ABCA13: variants seen among roughly 807,000 people sequenced by gnomAD.
ABCA13 encodes the protein ATP-binding cassette sub-family A member 13.
In ABCA13, 476 loss-of-function variants were observed where a neutral mutation model predicts 478.7. The ratio of observed to expected loss-of-function variants is 0.99; its 90% CI spans 0.92 to 1.07. The LOEUF (loss-of-function observed/expected upper bound fraction) is 1.07, where lower values mean the gene tolerates loss of function less well. ABCA13 is among the 50% of genes least tolerant of loss of function. ABCA13 has a pLI of 0.00. For missense variants in ABCA13, 6,060 were observed against 5,910.6 expected, an observed-to-expected ratio of 1.03 and a Z score of -0.83; for synonymous variants, 2,252 against 2,158.9, an observed-to-expected ratio of 1.04 and a Z score of -1.20.
At chr7:48,361,550 T>G (rs573682835) in intron 31 of ABCA13, among the ~76,000 whole-genome samples, 2 of 152,004 alleles carry the variant, frequency 1.3e-5, no homozygotes, top group South Asian at 4.1e-4. Context: ...ATTACTTCCT[T>G]ACTTTTCTGT....
chr7:48,276,267 G>C lies in ABCA13; in HGVS notation c.6601G>C (p.Val2201Leu). The C allele has an allele frequency of 6.4e-7, 1 of 1,566,892 alleles. No individual in the cohort carries two copies. The highest frequency in any genetic ancestry group is 8.7e-7 in the Non-Finnish European group (1 of 1,155,384). Residue 2201 changes from valine (V) to leucine (L), a missense_variant, in exon 17 of 62, where the codon GTT becomes CTT. Val to Leu is a conservative substitution (Grantham distance 32). Transcript: ENST00000435803. ...AGAACAGCTGACTAATTTCTCAGTTGTTCAGCTGCTTTTTGAAAACATCCT... is the reference window on the plus strand; with the variant it reads ...AGAACAGCTGACTAATTTCTCAGTTCTTCAGCTGCTTTTTGAAAACATCCT... ...NQEQLTNFSV[V>L]QLLFENILIN...
chr7:48,357,257 C>T (rs753472690), intron 31 of ABCA13, among the ~76,000 whole-genome samples: 14 of 151,956 alleles, frequency 9.2e-5, no homozygotes, highest in Non-Finnish European at 1.8e-4. Context: ...TTGGGCTCTA[C>T]TTCAGGTAAC....
At chr7:48,377,877 A>G (rs55869793) in intron 35 of ABCA13, among the ~76,000 whole-genome samples, 19,261 of 152,182 alleles carry the variant, frequency 0.13, 1,406 homozygotes, top group East Asian at 0.31. Flanking sequence ...TACATTTGTG[A>G]TGTCCATCTA....
intron 32 of ABCA13, among the ~76,000 whole-genome samples, chr7:48,370,386 C>A (rs931942381): frequency 1.3e-5 from 2 of 152,220 alleles, no homozygotes; most frequent in African/African-American, 4.8e-5. Context: ...CCCTTCATTT[C>A]TTTATCTTGT....
At chr7:48,517,194 G>A (rs1164866496) in intron 52 of ABCA13, among the ~76,000 whole-genome samples, 2 of 152,136 alleles carry the variant, frequency 1.3e-5, no homozygotes, top group African/African-American at 4.8e-5. Context: ...ATTTATTGAT[G>A]AATTACTGAT....
chr7:48,181,384 T>G (rs1419222953), intron 1 of ABCA13, among the ~76,000 whole-genome samples: 2 of 152,218 alleles, frequency 1.3e-5, no homozygotes, highest in Admixed American at 1.3e-4. Context: ...TTGTATATCT[T>G]AAAATATCTT....
chr7:48,602,913 GGTTTGTAGTT>G (rs1012882036), intron 58 of ABCA13, among the ~76,000 whole-genome samples: 17 of 151,922 alleles, frequency 1.1e-4, no homozygotes, highest in Non-Finnish European at 2.1e-4. Flanking sequence ...CTTGAGCAGT[GGTTTGTAGTT>G]GTCCTTGAAG....
intron 38 of ABCA13, among the ~76,000 whole-genome samples, chr7:48,394,682 T>C (rs1185375504): frequency 6.6e-6 from 1 of 152,224 alleles, no homozygotes; most frequent in East Asian, 1.9e-4. Context: ...GATTTTTTTT[T>C]CAATTTTTAT....
chr7:48,306,721 G>T (rs1800952493), intron 23 of ABCA13, among the ~76,000 whole-genome samples: 1 of 152,164 alleles, frequency 6.6e-6, no homozygotes, highest in Admixed American at 6.5e-5. Context: ...CTTTCTTAAA[G>T]ACTCAAAATG....
chr7:48,481,131 G>A lies in ABCA13; in HGVS notation c.13071G>A (p.Leu4357=). 1 of 1,591,014 alleles carries A rather than the reference G, an allele frequency of 6.3e-7. No individual in the cohort carries two copies. The highest frequency in any genetic ancestry group is 8.6e-7 in the Non-Finnish European group (1 of 1,167,906). The change falls in exon 46 of 62, where the codon TTG becomes TTA. Residue 4357 remains leucine, a synonymous_variant. Transcript: ENST00000435803. ...NLSGFNMEEY[L]LAPSEKPRLG... The stretch of plus-strand genomic sequence containing the variant: ...CAGGCTTCAATATGGAGGAGTACTT[G>A]CTGGCACCATCTGAAAAACCAAGGT...
At chr7:48,220,135 T>C (rs1393457553) in intron 4 of ABCA13, among the ~76,000 whole-genome samples, 1 of 152,204 alleles carries the variant, frequency 6.6e-6, no homozygotes, top group Non-Finnish European at 1.5e-5. Context: ...TTATTTATAA[T>C]CTATAGTAGG....
intron 3 of ABCA13, among the ~76,000 whole-genome samples, chr7:48,216,015 C>T (rs769573938): frequency 2.0e-5 from 3 of 152,130 alleles, no homozygotes; most frequent in Admixed American, 6.5e-5. Context: ...TTTCCTCTGT[C>T]GAAGTACATT....
At position 48,594,776 on chromosome 7, in the gene ABCA13, G is replaced by C. The variant is rs920362763; in HGVS notation, c.14707G>C (p.Val4903Leu). 1.2e-6 allele frequency: 2 copies of C among 1,613,852 alleles called. No individual in the cohort carries two copies. The highest frequency in any genetic ancestry group is 1.7e-6 in the Non-Finnish European group (2 of 1,179,844). ...CCTGTGGCAAACAATAATGAAGGAG[G>C]TTCGGGAAGGCTGTGCTGCGGTGCT... ...RYLWQTIMKE[V>L]REGCAAVLTS... Residue 4903 changes from valine (V) to leucine (L), a missense_variant, in exon 58 of 62, where the codon GTT (valine) becomes CTT (leucine). By Grantham distance (32) the Val-to-Leu change is conservative. Transcript: ENST00000435803.
intron 39 of ABCA13, among the ~76,000 whole-genome samples, chr7:48,406,975 A>G (rs963270479): frequency 6.6e-6 from 1 of 152,164 alleles, no homozygotes; most frequent in African/African-American, 2.4e-5. Flanking sequence ...AGCCACTAAA[A>G]AGTCATCAAG....
At chr7:48,614,799 A>C (rs1792387219) in intron 58 of ABCA13, among the ~76,000 whole-genome samples, 1 of 146,530 alleles carries the variant, frequency 6.8e-6, no homozygotes, top group Non-Finnish European at 1.5e-5. Context: ...AAAACCAAAC[A>C]CCGCATGTTC....
chr7:48,486,208 T>C (rs1344364896), intron 47 of ABCA13, among the ~76,000 whole-genome samples: 1 of 152,218 alleles, frequency 6.6e-6, no homozygotes, highest in Non-Finnish European at 1.5e-5. Context: ...TTTAGGTTCC[T>C]AAAAGCCCTG....
In ABCA13 at chr7:48,506,140, A is replaced by G. The variant is rs558426588; in HGVS notation, c.13292-196A>G. On this transcript the variant is annotated intron_variant, in intron 48 of 61. Transcript: ENST00000435803. ...CTGGTTATGTTTGACAACAACAGCA[A>G]TGACAGAAATCCCAGCACATATTTG... Among the ~76,000 whole-genome samples, 114 of 152,344 alleles carry G rather than the reference A, an allele frequency of 7.5e-4. 1 individual carries two copies. Among genetic ancestry groups the G allele is most frequent in the African/African-American group, 2.6e-3 (107 of 41,578 alleles).
chr7:48,221,695 G>A (rs528067591), intron 5 of ABCA13, among the ~76,000 whole-genome samples: 3 of 152,334 alleles, frequency 2.0e-5, no homozygotes, highest in South Asian at 4.1e-4. Context: ...ATCAACAGGG[G>A]GGATTTTGAC....
At chr7:48,302,943 A>T (rs1277796834) in intron 23 of ABCA13, among the ~76,000 whole-genome samples, 1 of 152,174 alleles carries the variant, frequency 6.6e-6, no homozygotes. Context: ...ACTAATTTAC[A>T]TTCTCACCAG....
Sources: allele counts gnomAD v4.1 joint callset (sites outside exome capture counted in the v4.1 genomes callset), GRCh38; gene constraint gnomAD v4.1.1; transcripts MANE v1.5; gene names NCBI Gene and HGNC (gene_info 2026-07-23, HGNC 2026-07-21).